Variants in UST observed in about 807,000 individuals in gnomAD.
The protein encoded by UST is uronyl 2-sulfotransferase.
A neutral mutation model predicts 45.6 loss-of-function variants in UST; 21 were observed. That is an observed-to-expected ratio of 0.46 (90% CI 0.33 to 0.66). The LOEUF (loss-of-function observed/expected upper bound fraction) is 0.66, where lower values mean the gene tolerates loss of function less well. Among genes scored for constraint, UST ranks in the 30% least tolerant of loss-of-function variants. UST has a pLI of 0.02. For missense variants in UST, 463 were observed against 512.4 expected, an observed-to-expected ratio of 0.90 and a Z score of 0.93; for synonymous variants, 215 against 200.6, an observed-to-expected ratio of 1.07 and a Z score of -0.61.
At chr6:148,904,393 T>C (rs1316326321) in intron 2 of UST, among the ~76,000 whole-genome samples, 1 of 152,200 alleles carries the variant, frequency 6.6e-6, no homozygotes, top group Non-Finnish European at 1.5e-5. Flanking sequence ...GACAGCCTAA[T>C]ATTTTGGAGT....
At chr6:148,947,880 G>C (rs1199420773) in intron 3 of UST, among the ~76,000 whole-genome samples, 2 of 151,114 alleles carry the variant, frequency 1.3e-5, no homozygotes, top group Admixed American at 1.3e-4. Context: ...TAGTCTTGGA[G>C]CCCTACACAC....
At chr6:149,061,906 A>G (rs547499071) in intron 7 of UST, among the ~76,000 whole-genome samples, 1 of 152,278 alleles carries the variant, frequency 6.6e-6, no homozygotes, top group Non-Finnish European at 1.5e-5. Flanking sequence ...ATGGAGAAAC[A>G]TCACTAAAAA....
intron 1 of UST, among the ~76,000 whole-genome samples, chr6:148,824,010 G>A (rs1362941633): frequency 6.6e-6 from 1 of 152,202 alleles, no homozygotes; most frequent in Non-Finnish European, 1.5e-5. Context: ...GGAGATAACA[G>A]AAAAAGCTGA....
intron 1 of UST, among the ~76,000 whole-genome samples, chr6:148,762,180 G>A (rs1442782286): frequency 6.6e-6 from 1 of 152,182 alleles, no homozygotes. Flanking sequence ...TAAAGGGAGG[G>A]AACAGGAAAT....
intron 1 of UST, among the ~76,000 whole-genome samples, chr6:148,873,877 C>T (rs116855943): frequency 1.2e-4 from 19 of 152,338 alleles, no homozygotes; most frequent in Non-Finnish European, 2.5e-4. Context: ...TTTCTTTCTC[C>T]CAGGGTAAAT....
chr6:148,755,651 TTTTC>T (rs1776080263), intron 1 of UST, among the ~76,000 whole-genome samples: 1 of 147,466 alleles, frequency 6.8e-6, no homozygotes, highest in African/African-American at 2.7e-5. Context: ...TTTCTTTTTT[TTTTC>T]TTTTTTTTTT....
At chr6:148,973,836 G>T (rs1341881438) in intron 5 of UST, among the ~76,000 whole-genome samples, 3 of 152,222 alleles carry the variant, frequency 2.0e-5, no homozygotes, top group Non-Finnish European at 4.4e-5. Context: ...ACATCTAAGA[G>T]ATTTGTTGGA....
chr6:148,792,400 G>A (rs1390445661), intron 1 of UST, among the ~76,000 whole-genome samples: 3 of 152,150 alleles, frequency 2.0e-5, no homozygotes, highest in Non-Finnish European at 4.4e-5. Flanking sequence ...GCCCCTCAGT[G>A]CTCAGCAAAC....
chr6:149,028,640 T>C (rs1776087840), intron 7 of UST, among the ~76,000 whole-genome samples: 1 of 152,220 alleles, frequency 6.6e-6, no homozygotes, highest in African/African-American at 2.4e-5. Context: ...GTCAATAGCC[T>C]GTTCCAGAAA....
intron 5 of UST, among the ~76,000 whole-genome samples, chr6:149,000,869 T>G (rs1464999337): frequency 6.6e-6 from 1 of 152,164 alleles, no homozygotes; most frequent in East Asian, 1.9e-4. Flanking sequence ...ATTAATTGAT[T>G]TAGAAAATAG....
intron 1 of UST, among the ~76,000 whole-genome samples, chr6:148,884,679 A>C (rs1778881199): frequency 1.3e-5 from 2 of 152,074 alleles, no homozygotes; most frequent in Non-Finnish European, 2.9e-5. Flanking sequence ...GAGTTTAAGC[A>C]GAGGGCTACC....
intron 2 of UST, among the ~76,000 whole-genome samples, chr6:148,927,081 AT>A (rs2114905064): frequency 6.6e-6 from 1 of 152,264 alleles, no homozygotes; most frequent in East Asian, 1.9e-4. Flanking sequence ...CATGGTAAGA[AT>A]TCATCCATCA....
chr6:148,830,353 A>C (rs1777659712), intron 1 of UST, among the ~76,000 whole-genome samples: 1 of 152,230 alleles, frequency 6.6e-6, no homozygotes, highest in South Asian at 2.1e-4. Context: ...TTTAGAGCAC[A>C]AAAGAGATAT....
At chr6:148,972,935 G>C (rs1355910611) in intron 5 of UST, among the ~76,000 whole-genome samples, 1 of 151,966 alleles carries the variant, frequency 6.6e-6, no homozygotes, top group Admixed American at 6.6e-5. Context: ...CTGAGGTTGA[G>C]AACTACTGAG....
chr6:148,973,810 GA>G (rs1331869953), intron 5 of UST, among the ~76,000 whole-genome samples: 1 of 152,208 alleles, frequency 6.6e-6, no homozygotes, highest in Non-Finnish European at 1.5e-5. Context: ...CTGAAGACAG[GA>G]AAAGTAAGTG....
At chr6:148,827,112 T>C (rs1166452690) in intron 1 of UST, among the ~76,000 whole-genome samples, 1 of 152,220 alleles carries the variant, frequency 6.6e-6, no homozygotes, top group Non-Finnish European at 1.5e-5. Flanking sequence ...ATGCAGAAGA[T>C]GCTTGTTGTT....
intron 1 of UST, among the ~76,000 whole-genome samples, chr6:148,827,351 G>A (rs1040600600): frequency 2.0e-5 from 3 of 152,060 alleles, no homozygotes; most frequent in Admixed American, 6.5e-5. Flanking sequence ...GGCCGGCCGC[G>A]GTGGTTCACA....
At chr6:148,956,872 G>GT (rs1430200095) in intron 4 of UST, among the ~76,000 whole-genome samples, 1 of 152,224 alleles carries the variant, frequency 6.6e-6, no homozygotes, top group African/African-American at 2.4e-5. Flanking sequence ...TGTAACAGAT[G>GT]TAAGGAGAGG....
At chr6:148,764,630 T>C (rs1776285343) in intron 1 of UST, among the ~76,000 whole-genome samples, 1 of 152,146 alleles carries the variant, frequency 6.6e-6, no homozygotes, top group African/African-American at 2.4e-5. Context: ...AGACATCACA[T>C]GTCGGCAGGT....
Sources: allele counts gnomAD v4.1 joint callset (sites outside exome capture counted in the v4.1 genomes callset), GRCh38; gene constraint gnomAD v4.1.1; transcripts MANE v1.5; gene names NCBI Gene and HGNC (gene_info 2026-07-23, HGNC 2026-07-21).